APH1B: variants seen among roughly 807,000 people sequenced by gnomAD.
APH1B encodes gamma-secretase subunit APH-1B.
A neutral mutation model predicts 28.2 loss-of-function variants in APH1B; 27 were observed. The ratio of observed to expected loss-of-function variants is 0.96; its 90% CI spans 0.70 to 1.32. The LOEUF is 1.32. APH1B is among the 40% of genes most tolerant of loss of function. The pLI, the probability that APH1B is intolerant of heterozygous loss-of-function variation, is 0.00. For missense variants in APH1B, 305 were observed against 313.6 expected (o/e 0.97, Z 0.21); for synonymous variants, 141 against 124.6 (o/e 1.13, Z -0.88).
At chr15:63,299,715 T>C (rs969810624) in intron 4 of APH1B, among the ~76,000 whole-genome samples, 1 of 152,074 alleles carries the variant, frequency 6.6e-6, no homozygotes, top group Non-Finnish European at 1.5e-5. Context: ...CTGAGAGCAT[T>C]TTTAAATGAA....
rs201757068 is a variant in APH1B, at chr15:63,287,000, A to C, written c.355+372A>C. Among the ~76,000 whole-genome samples, 13 of 152,226 alleles carry C rather than the reference A, an allele frequency of 8.5e-5. No individual in the cohort carries two copies. In the East Asian group the frequency reaches 2.3e-3, roughly 27 times the overall value. ...ATATCTCTGCGTATTACACTTTGAGAATTATGTTTAAGATTGGATCTAGGT... is the reference window on the plus strand; with the variant it reads ...ATATCTCTGCGTATTACACTTTGAGCATTATGTTTAAGATTGGATCTAGGT... On this transcript the variant is annotated intron_variant, in intron 3 of 5. Coordinates refer to ENST00000261879, the MANE Select transcript of APH1B (RefSeq NM_031301.4).
Position 63,308,671 on chromosome 15 carries a change from A to G in APH1B, c.*2890A>G, listed in dbSNP as rs1318584748. On this transcript the variant is annotated 3_prime_UTR_variant, in exon 6 of 6. Transcript: ENST00000261879. ...AGCCCAGCCCCAGACAGGCGTTAGC[A>G]TTCAGTGTGGGCCCTCAGGCAGCCC... 2.0e-5 allele frequency: 3 copies of G among 152,272 alleles called. No individual in the cohort carries two copies. In the East Asian group the frequency reaches 5.8e-4, roughly 29 times the overall value. 9.4% of individuals were successfully genotyped at this position (152,272 alleles called of 1,614,324 possible).
intron 2 of APH1B, among the ~76,000 whole-genome samples, chr15:63,283,571 G>C (rs555511212): frequency 3.3e-5 from 5 of 152,154 alleles, no homozygotes; most frequent in Non-Finnish European, 5.9e-5. Flanking sequence ...TTATTATTGA[G>C]TTGTAAGAGT....
chr15:63,304,948 C>T lies in APH1B; in HGVS notation c.607-666C>T, dbSNP rs1195544336. ...TGCTACCTGTAAAATCTACCACTTT[C>T]TTCAGGCCTTCTTTGACAGCCCTAA... On this transcript the variant is annotated intron_variant, in intron 5 of 5. Coordinates refer to ENST00000261879, the MANE Select transcript of APH1B (RefSeq NM_031301.4). The surrounding 1 kb of genome is among the most constrained non-coding windows in gnomAD (Gnocchi z 5.1). Among the ~76,000 whole-genome samples the T allele has an allele frequency of 6.6e-6, 1 of 152,210 alleles. No homozygotes were observed. The highest frequency in any genetic ancestry group is 1.5e-5 in the Non-Finnish European group (1 of 68,024).
chr15:63,299,769 C>G (rs191062410), intron 4 of APH1B, among the ~76,000 whole-genome samples: 17 of 151,964 alleles, frequency 1.1e-4, no homozygotes, highest in Non-Finnish European at 5.9e-5. Context: ...CTCAGTGTCC[C>G]TGGTAAACAC....
At chr15:63,283,227 A>G (rs895181405) in intron 2 of APH1B, among the ~76,000 whole-genome samples, 3 of 152,194 alleles carry the variant, frequency 2.0e-5, no homozygotes, top group Non-Finnish European at 4.4e-5. Flanking sequence ...AATAGCTAAA[A>G]TCTTTGATTG....
intron 4 of APH1B, among the ~76,000 whole-genome samples, chr15:63,301,499 A>T (rs990919324): frequency 2.6e-5 from 4 of 152,244 alleles, no homozygotes; most frequent in African/African-American, 9.6e-5. Flanking sequence ...TGTTCCCCAG[A>T]AAAAACCTGG....
chr15:63,286,619 C>G lies in APH1B; in HGVS notation c.346C>G (p.Leu116Val), dbSNP rs1473508719. 2 of 1,605,646 alleles carry G rather than the reference C, an allele frequency of 1.2e-6. No homozygotes were observed. Among genetic ancestry groups the G allele is most frequent in the South Asian group, 2.2e-5 (2 of 89,220 alleles). The stretch of plus-strand genomic sequence containing the variant: ...TGAGACAGCACCCTCTATGCGACTG[C>G]TGGCCTATGGTAAGTTAGAACCACA... ...PGETAPSMRL[L>V]AYVSGLGFGI... The change falls in exon 3 of 6, where the codon CTG becomes GTG. Residue 116 changes from leucine to valine, a missense_variant. By Grantham distance (32) the Leu-to-Val change is conservative. Coordinates refer to ENST00000261879, the MANE Select transcript of APH1B (RefSeq NM_031301.4).
At chr15:63,287,141 G>T (rs923751490) in intron 3 of APH1B, 11 of 314,890 alleles carry the variant, frequency 3.5e-5, no homozygotes, top group Non-Finnish European at 5.9e-5. Context: ...TTTTGGTGTT[G>T]TATCCTCTGT....
At chr15:63,302,239 C>A in intron 4 of APH1B, 106 bp from the exon 5 acceptor site, 1 of 1,381,508 alleles carries the variant, frequency 7.2e-7, no homozygotes, top group Non-Finnish European at 9.7e-7. Flanking sequence ...GTGTTAAACT[C>A]TCTTGCTGAG....
chr15:63,284,740 G>A (rs1333913173), intron 2 of APH1B, among the ~76,000 whole-genome samples: 1 of 152,080 alleles, frequency 6.6e-6, no homozygotes, highest in Non-Finnish European at 1.5e-5. Context: ...TAACTTTTAC[G>A]TTCAAGGGTA....
chr15:63,283,814 A>G (rs2038415479), intron 2 of APH1B, among the ~76,000 whole-genome samples: 2 of 152,172 alleles, frequency 1.3e-5, no homozygotes, highest in South Asian at 4.1e-4. Context: ...TGACAGTTTT[A>G]TAGTTTTAGC....
At chr15:63,295,367 A>G (rs753818941) in intron 4 of APH1B, among the ~76,000 whole-genome samples, 2 of 152,238 alleles carry the variant, frequency 1.3e-5, no homozygotes, top group South Asian at 2.1e-4. Flanking sequence ...CATGATCCCA[A>G]TGGCAGCTCT....
chr15:63,305,485 C>A, intron 5 of APH1B, 129 bp from the exon 6 acceptor site: 2 of 1,031,160 alleles, frequency 1.9e-6, no homozygotes, highest in Non-Finnish European at 2.8e-6. Flanking sequence ...ACGCATGACA[C>A]ACATCATACG....
intron 2 of APH1B, among the ~76,000 whole-genome samples, chr15:63,283,797 A>G (rs1352331209): frequency 3.3e-5 from 5 of 152,162 alleles, no homozygotes; most frequent in Non-Finnish European, 7.4e-5. Flanking sequence ...GCACCTATGT[A>G]TTCTTCTGAC....
chr15:63,308,175 A>G lies in APH1B; in HGVS notation c.*2394A>G, dbSNP rs1047292113. ...GAGACAAACAGGAGTTATTGATGTTATACACTCCCTTCCATTCAGGATTTT... is the reference window on the plus strand; with the variant it reads ...GAGACAAACAGGAGTTATTGATGTTGTACACTCCCTTCCATTCAGGATTTT... On this transcript the variant is annotated 3_prime_UTR_variant, in exon 6 of 6. Coordinates refer to ENST00000261879, the MANE Select transcript of APH1B (RefSeq NM_031301.4). 6.6e-6 allele frequency: 1 copy of G among 151,944 alleles called. No individual in the cohort carries two copies. Among genetic ancestry groups the G allele is most frequent in the African/African-American group, 2.4e-5 (1 of 41,338 alleles). 9.4% of individuals were successfully genotyped at this position (151,944 alleles called of 1,614,324 possible).
At chr15:63,294,016 C>T (rs1045999031) in intron 4 of APH1B, among the ~76,000 whole-genome samples, 1 of 152,040 alleles carries the variant, frequency 6.6e-6, no homozygotes, top group African/African-American at 2.4e-5. Flanking sequence ...TCTCCTGCCT[C>T]AACCTCCTGA....
chr15:63,283,143 A>AG (rs2038407980), intron 2 of APH1B, among the ~76,000 whole-genome samples: 2 of 152,232 alleles, frequency 1.3e-5, no homozygotes, highest in Non-Finnish European at 2.9e-5. Context: ...TCCATAACGT[A>AG]GAATTAGGAA....
At chr15:63,278,372 G>A (rs201375233) in intron 1 of APH1B, 574 of 456,570 alleles carry the variant, frequency 1.3e-3, no homozygotes, top group Non-Finnish European at 2.1e-3. Flanking sequence ...CCGGACTCTG[G>A]TGTCCCATCG....
Sources: gnomAD v4.1 joint callset for allele counts (sites outside exome capture counted in the v4.1 genomes callset) on GRCh38, gnomAD v4.1.1 for gene constraint, Gnocchi (gnomAD v3.1) non-coding constraint, MANE v1.5 for transcripts, NCBI Gene and HGNC (gene_info 2026-07-23, HGNC 2026-07-21) for gene names.